Variants in STAG1 observed in about 807,000 individuals in gnomAD.
STAG1 encodes the protein STAG1 cohesin complex component, also known as cohesin subunit SA-1.
A neutral mutation model predicts 170.9 loss-of-function variants in STAG1; 26 were observed. That is an observed-to-expected ratio of 0.15 (90% CI 0.11 to 0.21). The LOEUF is 0.21. STAG1 is among the 10% of genes least tolerant of loss of function. The pLI is 1.00. For synonymous variants in STAG1, 514 were observed against 497.7 expected, an observed-to-expected ratio of 1.03 and a Z score of -0.44; for missense variants, 964 against 1,509.5, an observed-to-expected ratio of 0.64 and a Z score of 5.99.
At chr3:136,723,663 T>G (rs1263575017) in intron 1 of STAG1, among the ~76,000 whole-genome samples, 7 of 107,786 alleles carry the variant, frequency 6.5e-5, no homozygotes, top group Admixed American at 9.8e-5. Flanking sequence ...GGTGGGGGGG[T>G]CAGCCCCCCG....
chr3:136,553,578 A>G (rs1936491704), intron 5 of STAG1, among the ~76,000 whole-genome samples: 1 of 152,096 alleles, frequency 6.6e-6, no homozygotes, highest in East Asian at 1.9e-4. Context: ...GATCAAGACC[A>G]TCCTGGCCAA....
intron 1 of STAG1, among the ~76,000 whole-genome samples, chr3:136,697,762 T>C (rs988640302): frequency 3.9e-5 from 6 of 152,204 alleles, no homozygotes; most frequent in African/African-American, 1.4e-4. Flanking sequence ...CATTTTGAAA[T>C]CTGGAATTAT....
Position 136,459,494 on chromosome 3 carries a change from G to C in STAG1, c.1313+5387C>G, listed in dbSNP as rs374631621. On this transcript the variant is annotated intron_variant, in intron 13 of 33. Transcript: ENST00000383202. ...AATCAATGTTTCCAAAGAAACACTGGAGTTAAACTGCATTCTAGACCAAAT... is the reference window on the plus strand; with the variant it reads ...AATCAATGTTTCCAAAGAAACACTGCAGTTAAACTGCATTCTAGACCAAAT... 5.3e-5 allele frequency among the ~76,000 whole-genome samples: 8 copies of C among 152,204 alleles called. No homozygotes were observed. In the East Asian group the frequency reaches 1.5e-3, roughly 29 times the overall value.
At chr3:136,344,637 G>A (rs1015837071) in intron 29 of STAG1, among the ~76,000 whole-genome samples, 3 of 151,852 alleles carry the variant, frequency 2.0e-5, no homozygotes, top group South Asian at 2.1e-4. Flanking sequence ...TTTTCAAGAC[G>A]GAGTCTCACT....
intron 3 of STAG1, among the ~76,000 whole-genome samples, chr3:136,607,141 CAT>C (rs1435947442): frequency 2.6e-5 from 4 of 152,074 alleles, no homozygotes; most frequent in Admixed American, 2.6e-4. Flanking sequence ...ACTTGGCTGA[CAT>C]AGTGTTTTGT....
At chr3:136,410,636 T>C (rs1287269540) in intron 21 of STAG1, among the ~76,000 whole-genome samples, 1 of 152,152 alleles carries the variant, frequency 6.6e-6, no homozygotes, top group Non-Finnish European at 1.5e-5. Flanking sequence ...ATGTAAAGAC[T>C]TAAAATGAAA....
chr3:136,634,482 TTTTTTTAAAAACCAGAGAAA>T (rs1356982772), intron 1 of STAG1, among the ~76,000 whole-genome samples: 1 of 151,958 alleles, frequency 6.6e-6, no homozygotes, highest in Non-Finnish European at 1.5e-5. Flanking sequence ...TCTCAAAATT[TTTTTTTAAAAACCAGAGAAA>T]TTAGAATACT....
At chr3:136,401,203 A>G (rs1395175601) in intron 21 of STAG1, among the ~76,000 whole-genome samples, 2 of 152,224 alleles carry the variant, frequency 1.3e-5, no homozygotes, top group African/African-American at 4.8e-5. Flanking sequence ...TTCCCAGGCC[A>G]CATTTTGAGA....
At chr3:136,439,805 T>A (rs1047657891) in intron 15 of STAG1, among the ~76,000 whole-genome samples, 1 of 152,224 alleles carries the variant, frequency 6.6e-6, no homozygotes, top group Admixed American at 6.5e-5. Flanking sequence ...TTTCTCAGAC[T>A]CTGCCTACCT....
chr3:136,452,599 TA>T (rs1360120129), intron 13 of STAG1, among the ~76,000 whole-genome samples: 2 of 151,450 alleles, frequency 1.3e-5, no homozygotes, highest in Admixed American at 6.6e-5. Context: ...TCTATTTCAA[TA>T]GAAATATGTA....
intron 5 of STAG1, among the ~76,000 whole-genome samples, chr3:136,551,256 AGAGAGG>A (rs1349290528): frequency 1.4e-3 from 185 of 129,900 alleles, no homozygotes; most frequent in African/African-American, 1.8e-3. Flanking sequence ...AGAGAGAGAG[AGAGAGG>A]GAGAGCGAGA....
intron 7 of STAG1, among the ~76,000 whole-genome samples, chr3:136,507,157 G>A (rs1187993882): frequency 3.3e-5 from 5 of 152,178 alleles, no homozygotes; most frequent in South Asian, 2.1e-4. Context: ...GGTGGACATA[G>A]AATTTGAGTA....
At chr3:136,699,787 T>G (rs1942997833) in intron 1 of STAG1, among the ~76,000 whole-genome samples, 1 of 152,116 alleles carries the variant, frequency 6.6e-6, no homozygotes, top group East Asian at 1.9e-4. Flanking sequence ...TAATGTAATA[T>G]ATAATCCAAA....
intron 27 of STAG1, among the ~76,000 whole-genome samples, chr3:136,358,213 T>C (rs746106194): frequency 1.3e-4 from 19 of 151,390 alleles, no homozygotes; most frequent in Non-Finnish European, 2.5e-4. Flanking sequence ...GCCTCCCGAG[T>C]AGCTGGGACT....
At chr3:136,374,630 T>A (rs1215568869) in intron 23 of STAG1, among the ~76,000 whole-genome samples, 256 of 145,764 alleles carry the variant, frequency 1.8e-3, no homozygotes, top group East Asian at 5.7e-3. Flanking sequence ...AAAAAAAAAA[T>A]TTTTTTTTTT....
intron 1 of STAG1, among the ~76,000 whole-genome samples, chr3:136,645,095 G>C (rs1437206303): frequency 2.0e-5 from 3 of 152,136 alleles, no homozygotes; most frequent in Non-Finnish European, 4.4e-5. Context: ...TGGCTAAATA[G>C]TGTATGGGTG....
intron 15 of STAG1, among the ~76,000 whole-genome samples, chr3:136,440,791 AC>A (rs1284817798): frequency 1.3e-5 from 2 of 151,796 alleles, no homozygotes; most frequent in Non-Finnish European, 2.9e-5. Flanking sequence ...GGAGTTTGAG[AC>A]CAGCTTAGGC....
In STAG1 at chr3:136,343,910, C is replaced by T. The variant is rs776820207; in HGVS notation, c.3368G>A (p.Arg1123Gln). ...GTCTCCCATGGGCCGACTGTTCTCC[C>T]GCAGTACAGTGGATGTGAGTTGTGG... ...PAPQLTSTVL[R>Q]ENSRPMGDQI... The change falls in exon 30 of 34, where the codon CGG becomes CAG. Residue 1123 changes from arginine to glutamine, a missense_variant. Around this residue, in one of 11 missense-constraint regions of STAG1, gnomAD observed 122 missense variants for 129.0 expected, o/e 0.95. Coordinates refer to ENST00000383202, the MANE Select transcript of STAG1 (RefSeq NM_005862.3). The T allele has an allele frequency of 2.3e-5, 37 of 1,610,556 alleles. No homozygotes were observed. The highest frequency in any genetic ancestry group is 3.0e-5 in the Non-Finnish European group (35 of 1,178,380).
chr3:136,611,202 T>C (rs1318131601), intron 3 of STAG1, among the ~76,000 whole-genome samples: 1 of 152,190 alleles, frequency 6.6e-6, no homozygotes, highest in Non-Finnish European at 1.5e-5. Context: ...CAGGCTGGAT[T>C]GCAACGGCAC....
Sources: gnomAD v4.1 joint callset for allele counts (sites outside exome capture counted in the v4.1 genomes callset) on GRCh38, gnomAD v4.1.1 for gene constraint, gnomAD v4.1.1 regional missense constraint, MANE v1.5 for transcripts, NCBI Gene and HGNC (gene_info 2026-07-23, HGNC 2026-07-21) for gene names.